EML5: variants seen among roughly 807,000 people sequenced by gnomAD.
The protein encoded by EML5 is echinoderm microtubule-associated protein-like 5.
A neutral mutation model predicts 250.0 loss-of-function variants in EML5; 120 were observed. That is an observed-to-expected ratio of 0.48 (90% CI 0.41 to 0.56). The LOEUF is 0.56. Ranked by LOEUF, EML5 falls within the 20% of genes least tolerant of loss-of-function variation. EML5 has a pLI of 0.00. For missense variants in EML5, 2,006 were observed against 2,437.6 expected, an observed-to-expected ratio of 0.82 and a Z score of 3.73; for synonymous variants, 771 against 806.5, an observed-to-expected ratio of 0.96 and a Z score of 0.75.
chr14:88,750,099 C>A (rs2140335963), intron 2 of EML5, among the ~76,000 whole-genome samples: 1 of 152,200 alleles, frequency 6.6e-6, no homozygotes, highest in South Asian at 2.1e-4. Flanking sequence ...ACCAAATGGC[C>A]CACAAAGTTT....
chr14:88,746,249 G>T lies in EML5; in HGVS notation c.392C>A (p.Ala131Glu), dbSNP rs1431270316. The T allele has an allele frequency of 6.2e-7, 1 of 1,613,070 alleles. No individual in the cohort carries two copies. The change falls in exon 3 of 44, where the codon GCA becomes GAA. Residue 131 changes from alanine to glutamate, a missense_variant. This residue lies in a region of EML5 where 162 missense variants were observed against 212.2 expected (regional missense o/e 0.76). Transcript: ENST00000554922. ...CCTTTTCCAGTCCCAAACACAAACT[G>T]CATTCTTTGAATCAAGTCCAACTGA... The part of the protein sequence containing the change: ...LVSVGLDSKN[A>E]VCVWDWKRGK...
chr14:88,764,774 C>T (rs764036630), intron 1 of EML5, among the ~76,000 whole-genome samples: 9 of 152,134 alleles, frequency 5.9e-5, no homozygotes, highest in Non-Finnish European at 1.0e-4. Flanking sequence ...GTTGTATTTT[C>T]ACTTTCTTCT....
At chr14:88,669,801 C>T (rs2092408790) in intron 21 of EML5, among the ~76,000 whole-genome samples, 1 of 152,184 alleles carries the variant, frequency 6.6e-6, no homozygotes, top group South Asian at 2.1e-4. Flanking sequence ...GAGACCACCC[C>T]AACAGGGGTT....
At chr14:88,683,326 T>C (rs1292151832) in intron 20 of EML5, among the ~76,000 whole-genome samples, 2 of 152,144 alleles carry the variant, frequency 1.3e-5, no homozygotes, top group Admixed American at 1.3e-4. Context: ...AGTATCCCTT[T>C]AAAGGAGCCT....
Position 88,682,024 on chromosome 14 carries a change from A to G in EML5, c.2990T>C (p.Met997Thr). 6.3e-7 allele frequency: 1 copy of G among 1,594,670 alleles called. No homozygotes were observed. The highest frequency in any genetic ancestry group is 1.2e-5 in the South Asian group (1 of 86,702). The change falls in exon 21 of 44, where the codon ATG (methionine) becomes ACG (threonine). Residue 997 changes from methionine to threonine, a missense_variant. By Grantham distance (81) the Met-to-Thr change is moderately conservative (BLOSUM62 -1). Coordinates refer to ENST00000554922, the MANE Select transcript of EML5 (RefSeq NM_183387.3). The part of the protein sequence containing the change: ...GPITLLVQGH[M>T]EGEVWGLATH... ...AGCTAAACCCCACACCTCTCCTTCC[A>G]TGTGTCCCTATAAAGAAAACATAGG...
chr14:88,728,466 T>G (rs962870182), intron 7 of EML5, among the ~76,000 whole-genome samples: 2 of 152,186 alleles, frequency 1.3e-5, no homozygotes, highest in African/African-American at 4.8e-5. Flanking sequence ...ACTTTGTGCA[T>G]TATATGTACT....
At chr14:88,723,727 T>A (rs1193734201) in intron 8 of EML5, among the ~76,000 whole-genome samples, 3 of 152,174 alleles carry the variant, frequency 2.0e-5, no homozygotes, top group Non-Finnish European at 2.9e-5. Context: ...ACAGTTTTTA[T>A]TTGTCAATCA....
rs140271391 is a variant in EML5, at chr14:88,787,198, A to G, written c.197+5109T>C. ...AGACTTAGCTTAGGTATTATATTCT[A>G]TAAGAAACACTGTGAACTTTTTATA... On this transcript the variant is annotated intron_variant, in intron 1 of 43. Coordinates refer to ENST00000554922, the MANE Select transcript of EML5 (RefSeq NM_183387.3). Among the ~76,000 whole-genome samples the G allele has an allele frequency of 3.0e-3, 450 of 152,344 alleles. 3 individuals carry two copies. Among genetic ancestry groups the G allele is most frequent in the African/African-American group, 0.01 (436 of 41,578 alleles).
intron 35 of EML5, 194 bp downstream of exon 35, chr14:88,626,644 T>A: frequency 1.6e-6 from 1 of 612,994 alleles, no homozygotes; most frequent in Non-Finnish European, 2.8e-6. Context: ...CTTTTCCCCC[T>A]CTCATTAACA....
chr14:88,737,812 C>T (rs2093867279), intron 6 of EML5, among the ~76,000 whole-genome samples: 1 of 152,188 alleles, frequency 6.6e-6, no homozygotes. Flanking sequence ...CTTGCTCAGC[C>T]AGTCTTATAA....
At chr14:88,639,341 T>A (rs1305814381) in intron 31 of EML5, among the ~76,000 whole-genome samples, 1 of 152,168 alleles carries the variant, frequency 6.6e-6, no homozygotes, top group Non-Finnish European at 1.5e-5. Flanking sequence ...AACAGGCTCA[T>A]TTGGCTGAAG....
chr14:88,714,461 T>A (rs2093459782), intron 9 of EML5, among the ~76,000 whole-genome samples: 1 of 152,102 alleles, frequency 6.6e-6, no homozygotes, highest in African/African-American at 2.4e-5. Context: ...ATTCAGAAGA[T>A]CTAATATACA....
chr14:88,711,665 T>C (rs2093409984), intron 10 of EML5, among the ~76,000 whole-genome samples: 1 of 151,964 alleles, frequency 6.6e-6, no homozygotes, highest in South Asian at 2.1e-4. Context: ...AGCTAAACCA[T>C]ATCAGACCCT....
chr14:88,792,368 C>T lies in EML5; in HGVS notation c.136G>A (p.Val46Met). Residue 46 changes from valine (V) to methionine (M), a missense_variant, in exon 1 of 44, where the codon GTG becomes ATG. Around this residue, in one of 7 missense-constraint regions of EML5, gnomAD observed 162 missense variants for 212.2 expected, o/e 0.76. Transcript: ENST00000554922. This position sits in a 1 kb window ranked among gnomAD's most constrained non-coding sequence, Gnocchi z 6.9. ...IVYFVAGVGV[V>M]YSPREHRQKF... is the part of the protein sequence containing the mutation. ...TGCCTGTGCTCCCGCGGGCTGTACA[C>T]CACGCCGACCCCCGCCACGAAGTAT... 3 of 1,564,308 alleles carry T rather than the reference C, an allele frequency of 1.9e-6. No individual in the cohort carries two copies. The highest frequency in any genetic ancestry group is 2.6e-6 in the Non-Finnish European group (3 of 1,155,990).
chr14:88,685,220 A>G, intron 19 of EML5, 78 bp from the exon 20 acceptor site: 1 of 1,229,154 alleles, frequency 8.1e-7, no homozygotes, highest in South Asian at 1.9e-5. Flanking sequence ...CAATTAAGCT[A>G]TTTTGACAGT....
At chr14:88,736,179 T>C (rs2093837822) in intron 7 of EML5, among the ~76,000 whole-genome samples, 185 bp downstream of exon 7, 1 of 152,060 alleles carries the variant, frequency 6.6e-6, no homozygotes, top group South Asian at 2.1e-4. Flanking sequence ...TTTTGTATTT[T>C]TAGTAGAGAC....
chr14:88,675,259 G>A (rs114852901), intron 21 of EML5, among the ~76,000 whole-genome samples: 47 of 152,346 alleles, frequency 3.1e-4, no homozygotes, highest in African/African-American at 1.0e-3. Flanking sequence ...TTCTTCATGA[G>A]GTCCCTGCCT....
In EML5 at chr14:88,618,744, G is replaced by C. The variant is rs1278739754; in HGVS notation, c.5444C>G (p.Thr1815Arg). 6.2e-7 allele frequency: 1 copy of C among 1,605,728 alleles called. No homozygotes were observed. The highest frequency in any genetic ancestry group is 8.5e-7 in the Non-Finnish European group (1 of 1,175,484). ...SENSVDFYDLTLGPTLNRISY... is the reference protein window; with the variant it reads ...SENSVDFYDLRLGPTLNRISY... ...GATTCTGTTAAGAGTGGGGCCCAGC[G>C]TTAGGTCATAAAAATCCACTGAGTT... Residue 1815 changes from threonine to arginine, a missense_variant, in exon 40 of 44, where the codon ACG (threonine) becomes AGG (arginine). Coordinates refer to ENST00000554922, the MANE Select transcript of EML5 (RefSeq NM_183387.3).
intron 32 of EML5, among the ~76,000 whole-genome samples, chr14:88,636,460 A>C (rs893245440): frequency 1.3e-5 from 2 of 152,220 alleles, no homozygotes; most frequent in African/African-American, 2.4e-5. Context: ...CAAGAGATCA[A>C]GACCATCCTG....
Sources: gnomAD v4.1 joint callset for allele counts (sites outside exome capture counted in the v4.1 genomes callset) on GRCh38, gnomAD v4.1.1 for gene constraint, gnomAD v4.1.1 regional missense constraint, Gnocchi (gnomAD v3.1) non-coding constraint, MANE v1.5 for transcripts, NCBI Gene and HGNC (gene_info 2026-07-23, HGNC 2026-07-21) for gene names.